Variants in THADA observed in about 807,000 individuals in gnomAD.
THADA encodes the protein tRNA (32-2'-O)-methyltransferase regulator THADA.
THADA carries 213 observed loss-of-function variants against 219.8 expected under a neutral mutation model. That is an observed-to-expected ratio of 0.97 (90% CI 0.87 to 1.09). The LOEUF (loss-of-function observed/expected upper bound fraction) is 1.09, where lower values mean the gene tolerates loss of function less well. Ranked by LOEUF, THADA falls within the 50% of genes least tolerant of loss-of-function variation. The pLI is 0.00. For missense variants in THADA, 2,956 were observed against 2,311.3 expected, an observed-to-expected ratio of 1.28 and a Z score of -5.72; for synonymous variants, 1,018 against 828.9, an observed-to-expected ratio of 1.23 and a Z score of -3.92.
intron 26 of THADA, among the ~76,000 whole-genome samples, chr2:43,477,243 TGAGAGA>T (rs372274663): frequency 0.018 from 2,663 of 148,396 alleles, 33 homozygotes; most frequent in African/African-American, 0.044. Context: ...ATATGTTCTT[TGAGAGA>T]GAGAGAGAGA....
chr2:43,488,670 T>C (rs894746954), intron 25 of THADA, among the ~76,000 whole-genome samples: 1 of 152,204 alleles, frequency 6.6e-6, no homozygotes, highest in Admixed American at 6.6e-5. Context: ...TGTGAACATG[T>C]TTTCATTTCT....
intron 29 of THADA, among the ~76,000 whole-genome samples, chr2:43,382,902 C>A (rs1558670237): frequency 6.6e-6 from 1 of 152,076 alleles, no homozygotes; most frequent in Non-Finnish European, 1.5e-5. Flanking sequence ...AAAATGGCCT[C>A]AAAAAATTCT....
At chr2:43,505,960 T>C (rs763960812) in intron 23 of THADA, among the ~76,000 whole-genome samples, 2 of 152,212 alleles carry the variant, frequency 1.3e-5, no homozygotes, top group East Asian at 3.8e-4. Flanking sequence ...ATGTCATCTC[T>C]AAGGTCACTT....
rs1237399258 is a variant in THADA at position 43,273,267 on chromosome 2, C to CA, written c.5296+6497dup. 8.1e-3 allele frequency among the ~76,000 whole-genome samples: 942 copies of CA among 116,344 alleles called. 4 individuals are homozygous for CA. The highest frequency in any genetic ancestry group is 0.027 in the African/African-American group (834 of 31,116). 76.3% of individuals were successfully genotyped at this position (116,344 alleles called of 152,430 possible). On this transcript the variant is annotated intron_variant, in intron 36 of 37. Transcript: ENST00000405975. ...AACTCTGTCTCAACAACAACAACAA[C>CA]AACAAAAAAAAAAAAAAGAAGAAAA...
At chr2:43,592,249 C>G in intron 2 of THADA, 68 bp downstream of exon 2, 1 of 1,150,654 alleles carries the variant, frequency 8.7e-7, no homozygotes, top group East Asian at 2.5e-5. Flanking sequence ...GCTAGGGGTC[C>G]CAGTCATTAA....
In THADA at chr2:43,551,923, C is replaced by T; in HGVS notation, c.2813G>A (p.Ser938Asn). 6.2e-7 allele frequency: 1 copy of T among 1,607,728 alleles called. No individual in the cohort carries two copies. Among genetic ancestry groups the T allele is most frequent in the South Asian group, 1.1e-5 (1 of 89,356 alleles). The change falls in exon 19 of 38, where the codon AGC becomes AAC. Residue 938 changes from serine to asparagine, a missense_variant and splice_region_variant. Coordinates refer to ENST00000405975, the MANE Select transcript of THADA (RefSeq NM_022065.5). ...TCTCCACTCGCTCACCAACTGCAGG[C>T]TGCTGCAACAAGGACATTAGGGAAA... ...TGALQKLSLN[S>N]LQLVSEWRPV...
In THADA at chr2:43,486,142, T is replaced by C. The variant is rs1395032385; in HGVS notation, c.3745-817A>G. ...CTTCAAAGAATCCAGGTAATTAATA[T>C]GGCTAAGAAAATAGTTAAATCCAAA... On this transcript the variant is annotated intron_variant, in intron 25 of 37. Coordinates refer to ENST00000405975, the MANE Select transcript of THADA (RefSeq NM_022065.5). Among the ~76,000 whole-genome samples, 6 of 152,100 alleles carry C rather than the reference T, an allele frequency of 3.9e-5. No homozygotes were observed. In the South Asian group the frequency reaches 1.2e-3, roughly 32 times the overall value.
At chr2:43,438,803 C>T (rs891980686) in intron 26 of THADA, among the ~76,000 whole-genome samples, 2 of 151,982 alleles carry the variant, frequency 1.3e-5, no homozygotes, top group African/African-American at 2.4e-5. Context: ...CCTGTACATA[C>T]GTAGCTGTGA....
chr2:43,476,433 T>C (rs2104982042), intron 26 of THADA, among the ~76,000 whole-genome samples: 1 of 152,264 alleles, frequency 6.6e-6, no homozygotes, highest in South Asian at 2.1e-4. Flanking sequence ...TCTGATGATG[T>C]TTTCAACCTC....
chr2:43,520,042 G>T (rs1692214639), intron 22 of THADA, among the ~76,000 whole-genome samples: 1 of 152,206 alleles, frequency 6.6e-6, no homozygotes, highest in Non-Finnish European at 1.5e-5. Context: ...GAACAATACA[G>T]CAAACCCTAG....
chr2:43,240,236 A>G (rs977093068), intron 36 of THADA, among the ~76,000 whole-genome samples: 4 of 152,174 alleles, frequency 2.6e-5, no homozygotes, highest in African/African-American at 9.7e-5. Context: ...GGAGGACTGG[A>G]GGCGAGGCCA....
intron 26 of THADA, among the ~76,000 whole-genome samples, chr2:43,473,660 G>C (rs1685183399): frequency 2.0e-5 from 3 of 151,998 alleles, no homozygotes; most frequent in Non-Finnish European, 4.4e-5. Flanking sequence ...CCAGGCTGGA[G>C]TGCAGTGGCG....
intron 1 of THADA, among the ~76,000 whole-genome samples, chr2:43,594,077 A>T (rs1248545916): frequency 6.6e-6 from 1 of 152,174 alleles, no homozygotes. Context: ...CAACACCAGG[A>T]ATATTCAAAG....
At chr2:43,411,622 A>T (rs1386564858) in intron 28 of THADA, among the ~76,000 whole-genome samples, 1 of 152,196 alleles carries the variant, frequency 6.6e-6, no homozygotes, top group Non-Finnish European at 1.5e-5. Context: ...AACAGAAGCC[A>T]AATCAGTGGA....
intron 26 of THADA, among the ~76,000 whole-genome samples, chr2:43,450,188 G>T (rs958697288): frequency 6.6e-6 from 1 of 152,100 alleles, no homozygotes; most frequent in African/African-American, 2.4e-5. Flanking sequence ...AAAAATTTAA[G>T]AGACTAGCAT....
At chr2:43,344,306 T>C in intron 29 of THADA, 69 bp from the exon 30 acceptor site, 3 of 1,116,234 alleles carry the variant, frequency 2.7e-6, no homozygotes, top group Non-Finnish European at 3.9e-6. Context: ...GTTCCTCCCT[T>C]TTAAGTTTCC....
intron 36 of THADA, among the ~76,000 whole-genome samples, chr2:43,245,434 A>G (rs1236191205): frequency 2.0e-5 from 3 of 151,982 alleles, no homozygotes; most frequent in African/African-American, 7.3e-5. Context: ...TGGCCTCCCA[A>G]CGTGCTGGGA....
chr2:43,586,286 A>G (rs1701018823), intron 7 of THADA, 115 bp downstream of exon 7: 2 of 868,842 alleles, frequency 2.3e-6, no homozygotes, highest in Non-Finnish European at 3.4e-6. Context: ...AAAAGTGATA[A>G]TATTAATGAA....
chr2:43,411,725 T>C (rs1198175873), intron 28 of THADA, among the ~76,000 whole-genome samples: 1 of 152,160 alleles, frequency 6.6e-6, no homozygotes, highest in Admixed American at 6.6e-5. Flanking sequence ...ACCTATACCC[T>C]GCCACTAATT....
Sources: gnomAD v4.1 joint callset for allele counts (sites outside exome capture counted in the v4.1 genomes callset) on GRCh38, gnomAD v4.1.1 for gene constraint, MANE v1.5 for transcripts, NCBI Gene and HGNC (gene_info 2026-07-23, HGNC 2026-07-21) for gene names.